ADGRB1: variants seen among roughly 807,000 people sequenced by gnomAD.
ADGRB1 encodes the protein brain-specific angiogenesis inhibitor 1.
In ADGRB1, 36 loss-of-function variants were observed where a neutral mutation model predicts 175.7. The ratio of observed to expected loss-of-function variants is 0.20; its 90% CI spans 0.16 to 0.27. The LOEUF (loss-of-function observed/expected upper bound fraction) is 0.27, where lower values mean the gene tolerates loss of function less well. ADGRB1 is among the 10% of genes least tolerant of loss of function. The pLI is 1.00. For missense variants in ADGRB1, 1,731 were observed against 2,255.3 expected (o/e 0.77, Z 4.71); for synonymous variants, 1,054 against 979.4 (o/e 1.08, Z -1.42).
intron 2 of ADGRB1, among the ~76,000 whole-genome samples, chr8:142,473,126 G>A (rs959641473): frequency 7.2e-5 from 11 of 152,194 alleles, no homozygotes; most frequent in Non-Finnish European, 1.0e-4. Context: ...GAAAGGCTGC[G>A]TGCTGCAGCA....
rs772724844 is a variant in ADGRB1, at chr8:142,469,476, T to TGTGA, written c.784+4498_784+4501dup. ...GTGAATGTGTGTATGCACGTGCATG[T>TGTGA]GTGAGTGTGTATGCACGTGCATGTG... On this transcript the variant is annotated intron_variant, in intron 2 of 30. Coordinates refer to ENST00000517894, the MANE Select transcript of ADGRB1 (RefSeq NM_001702.3). Among the ~76,000 whole-genome samples, 271 of 147,580 alleles carry TGTGA rather than the reference T, an allele frequency of 1.8e-3. 5 individuals carry two copies. Among genetic ancestry groups the TGTGA allele is most frequent in the African/African-American group, 6.5e-3 (256 of 39,628 alleles).
chr8:142,496,840 TC>T (rs1842239260), intron 17 of ADGRB1, among the ~76,000 whole-genome samples: 1 of 152,140 alleles, frequency 6.6e-6, no homozygotes, highest in African/African-American at 2.4e-5. Context: ...AGGGCAGCGT[TC>T]CGTGTGCTCC....
In ADGRB1 at chr8:142,493,623, T is replaced by C. The variant is rs1842082312; in HGVS notation, c.2675+2808T>C. The stretch of plus-strand genomic sequence containing the variant: ...GTGCCCAAGTTGCCTCTTGGGTCCT[T>C]GACCCTGCCCGGCAGCCAGGCCACG... On this transcript the variant is annotated intron_variant, in intron 17 of 30. Transcript: ENST00000517894. This position sits in a 1 kb window ranked among gnomAD's most constrained non-coding sequence, Gnocchi z 5.0. Among the ~76,000 whole-genome samples, 1 of 152,242 alleles carries C rather than the reference T, an allele frequency of 6.6e-6. No homozygotes were observed. Among genetic ancestry groups the C allele is most frequent in the African/African-American group, 2.4e-5 (1 of 41,458 alleles).
chr8:142,488,625 G>T (rs1293903353), intron 14 of ADGRB1, 118 bp downstream of exon 14: 5 of 1,361,660 alleles, frequency 3.7e-6, no homozygotes, highest in Non-Finnish European at 5.0e-6. Context: ...TCTCAAGGGG[G>T]TCCTCTTTTC....
At chr8:142,452,644 G>C (rs1425537413) in intron 1 of ADGRB1, among the ~76,000 whole-genome samples, 1 of 152,192 alleles carries the variant, frequency 6.6e-6, no homozygotes, top group Admixed American at 6.5e-5. Context: ...GCGGCGTCAG[G>C]GTGGCCCGAG....
Position 142,543,460 on chromosome 8 carries a change from CA to C in ADGRB1, c.4449+23del, listed in dbSNP as rs1322122046. On this transcript the variant is annotated intron_variant, in intron 29 of 30. Coordinates refer to ENST00000517894, the MANE Select transcript of ADGRB1 (RefSeq NM_001702.3). The surrounding 1 kb of genome is among the most constrained non-coding windows in gnomAD (Gnocchi z 4.4). ...TGAGGTGAGTTCTGGTGTCCCCCCC[CA>C]CCAGACACTTAGGGCCAGATGTGCT... 3 of 1,613,418 alleles carry C rather than the reference CA, an allele frequency of 1.9e-6. No homozygotes were observed. Among genetic ancestry groups the C allele is most frequent in the African/African-American group, 2.7e-5 (2 of 74,908 alleles).
rs117520140 is a variant in ADGRB1 at position 142,525,894 on chromosome 8, C to T, written c.3313-648C>T. Among the ~76,000 whole-genome samples the T allele has an allele frequency of 1.5e-3, 231 of 152,204 alleles. 4 individuals are homozygous for T. The East Asian group carries it at 0.038, about 25-fold the overall frequency. On this transcript the variant is annotated intron_variant, in intron 23 of 30. Transcript: ENST00000517894. ...GGAGCAGAGAGTATGGCCTGAGACT[C>T]CTCCTTCCCCCCAGCAGAGGAGGCC...
chr8:142,464,422 C>A lies in ADGRB1; in HGVS notation c.224C>A (p.Pro75Gln). 1 of 1,553,912 alleles carries A rather than the reference C, an allele frequency of 6.4e-7. No individual in the cohort carries two copies. Among genetic ancestry groups the A allele is most frequent in the South Asian group, 1.2e-5 (1 of 83,846 alleles). Residue 75 changes from proline to glutamine, a missense_variant, in exon 2 of 31, where the codon CCG (proline) becomes CAG (glutamine). This residue lies in a region of ADGRB1 where 383 missense variants were observed against 383.1 expected (regional missense o/e 1.00). Transcript: ENST00000517894. Reference sequence around the variant, plus strand: ...CGCTGCTCCTGGACGCTACGCAACCCGGACCCGCGGCGCTACACTCTCTAC... The same window carrying A: ...CGCTGCTCCTGGACGCTACGCAACCAGGACCCGCGGCGCTACACTCTCTAC... ...ASRCSWTLRN[P>Q]DPRRYTLYMK...
In ADGRB1 at chr8:142,510,938, C is replaced by A; in HGVS notation, c.2682C>A (p.Ser894=). 3 of 1,263,514 alleles carry A rather than the reference C, an allele frequency of 2.4e-6. No homozygotes were observed. The highest frequency in any genetic ancestry group is 3.0e-6 in the Non-Finnish European group (3 of 984,346). The allele number at this position is 1,263,514 out of a possible 1,614,324, so 78.3% of individuals were successfully genotyped here. A position where few individuals can be genotyped will look rare whatever the true frequency, so the allele number is the denominator to read the frequency against. The change falls in exon 18 of 31, where the codon TCC becomes TCA. Residue 894 remains serine (S), a synonymous_variant. Coordinates refer to ENST00000517894, the MANE Select transcript of ADGRB1 (RefSeq NM_001702.3). The surrounding 1 kb of genome is among the most constrained non-coding windows in gnomAD (Gnocchi z 6.3). ...CILWDETDVP[S]SSAPPQLGPW... The stretch of plus-strand genomic sequence containing the variant: ...GTGTCCCGCCCGCCCCCAGACCCTC[C>A]TCCTCCGCCCCCCCGCAGCTCGGGC...
Position 142,464,665 on chromosome 8 carries a change from TCCGGCCCCGGG to T in ADGRB1, c.472_482del (p.Pro158AlafsTer39), listed in dbSNP as rs1257702209. 6.6e-7 allele frequency: 1 copy of T among 1,522,332 alleles called. No homozygotes were observed. The highest frequency in any genetic ancestry group is 8.8e-7 in the Non-Finnish European group (1 of 1,140,776). 94.3% of individuals were successfully genotyped at this position (1,522,332 alleles called of 1,614,324 possible). ...CAGCAGCCGCCCCAGCACGACGGGC[TCCGGCCCCGGG>T]CCGGGCCGCCGGGCCCCACCGACGA... is the stretch of plus-strand genomic sequence containing the variant. On this transcript the variant is annotated frameshift_variant, in exon 2 of 31. Transcript: ENST00000517894. LOFTEE classifies it high-confidence loss of function.
chr8:142,542,774 C>T lies in ADGRB1; in HGVS notation c.4413+127C>T, dbSNP rs980687969. 2.8e-5 allele frequency: 24 copies of T among 849,596 alleles called. No individual in the cohort carries two copies. Among genetic ancestry groups the T allele is most frequent in the South Asian group, 5.5e-5 (3 of 54,828 alleles). 52.6% of individuals were successfully genotyped at this position (849,596 alleles called of 1,614,324 possible). On this transcript the variant is annotated intron_variant, in intron 28 of 30. Coordinates refer to ENST00000517894, the MANE Select transcript of ADGRB1 (RefSeq NM_001702.3). The surrounding 1 kb of genome is among the most constrained non-coding windows in gnomAD (Gnocchi z 6.3). ...GGCTGGCTCTGCCTCCTAGCTACAC[C>T]CCCCACCCCTGGCCCTGCTGGGTGT...
intron 1 of ADGRB1, among the ~76,000 whole-genome samples, chr8:142,459,076 GCCGGGATGC>G (rs1221620567): frequency 6.6e-6 from 1 of 152,250 alleles, no homozygotes; most frequent in Non-Finnish European, 1.5e-5. Flanking sequence ...GTCACCTGTT[GCCGGGATGC>G]CCGGAGCTTT....
rs571589349 is a variant in ADGRB1 at position 142,481,640 on chromosome 8, A to T, written c.2059A>T (p.Ile687Phe). Reference protein sequence around the residue: ...TSYSGDLLSTIDVLRNMTEIF... With the variant: ...TSYSGDLLSTFDVLRNMTEIF... ...CTACAGTGGGGACCTGCTGTCCACCATCGATGTCCTGAGGAACATGACAGA... is the reference window on the plus strand; with the variant it reads ...CTACAGTGGGGACCTGCTGTCCACCTTCGATGTCCTGAGGAACATGACAGA... Residue 687 changes from isoleucine to phenylalanine, a missense_variant, in exon 11 of 31, where the codon ATC (isoleucine) becomes TTC (phenylalanine). Physicochemically the swap from Ile to Phe is conservative, Grantham distance 21. Transcript: ENST00000517894. The T allele has an allele frequency of 6.2e-7, 1 of 1,607,864 alleles. No individual in the cohort carries two copies. Among genetic ancestry groups the T allele is most frequent in the South Asian group, 1.1e-5 (1 of 89,678 alleles).
At chr8:142,469,560 TGA>T (rs1434012474) in intron 2 of ADGRB1, among the ~76,000 whole-genome samples, 4 of 149,590 alleles carry the variant, frequency 2.7e-5, no homozygotes, top group African/African-American at 9.9e-5. Context: ...TGCATGTGTG[TGA>T]ATGTGTGTGC....
At chr8:142,478,670 T>C (rs1254188227) in intron 7 of ADGRB1, among the ~76,000 whole-genome samples, 52 of 81,530 alleles carry the variant, frequency 6.4e-4, no homozygotes, top group South Asian at 2.1e-3. Flanking sequence ...GTGGGGTGGC[T>C]GTGGGGTAGC....
chr8:142,467,731 G>A (rs1390470259), intron 2 of ADGRB1, among the ~76,000 whole-genome samples: 5 of 152,314 alleles, frequency 3.3e-5, no homozygotes, highest in East Asian at 1.9e-4. Context: ...AGCCTGACCC[G>A]GCTTGCCGTA....
intron 7 of ADGRB1, among the ~76,000 whole-genome samples, chr8:142,478,770 T>C (rs1351656973): frequency 7.5e-6 from 1 of 133,012 alleles, no homozygotes; most frequent in East Asian, 2.3e-4. Context: ...GGGGTGTCTG[T>C]GGAGAAGTGG....
chr8:142,477,457 G>A lies in ADGRB1; in HGVS notation c.1295G>A (p.Arg432His), dbSNP rs759102681. Reference protein sequence around the residue: ...SSTCGRGFRDRTRTCRPPQFG... With the variant: ...SSTCGRGFRDHTRTCRPPQFG... Reference sequence around the variant, plus strand: ...ACCTGTGGCCGTGGCTTTCGGGATCGCACGCGCACCTGCAGGCCCCCCCAG... The same window carrying A: ...ACCTGTGGCCGTGGCTTTCGGGATCACACGCGCACCTGCAGGCCCCCCCAG... Residue 432 changes from arginine (R) to histidine (H), a missense_variant, in exon 6 of 31, where the codon CGC becomes CAC. By Grantham distance (29) the Arg-to-His change is conservative (BLOSUM62 0). Transcript: ENST00000517894. 6.2e-7 allele frequency: 1 copy of A among 1,612,650 alleles called. No homozygotes were observed. Among genetic ancestry groups the A allele is most frequent in the Non-Finnish European group, 8.5e-7 (1 of 1,179,816 alleles).
chr8:142,539,030 C>T (rs1032010402), intron 26 of ADGRB1, among the ~76,000 whole-genome samples: 2 of 152,180 alleles, frequency 1.3e-5, no homozygotes, highest in African/African-American at 4.8e-5. Flanking sequence ...GAAATACACA[C>T]GCATGTACGT....
Sources: gnomAD v4.1 joint callset for allele counts (sites outside exome capture counted in the v4.1 genomes callset) on GRCh38, gnomAD v4.1.1 for gene constraint, gnomAD v4.1.1 regional missense constraint, Gnocchi (gnomAD v3.1) non-coding constraint, MANE v1.5 for transcripts, NCBI Gene and HGNC (gene_info 2026-07-23, HGNC 2026-07-21) for gene names.